SPTSSA: variants seen among roughly 807,000 people sequenced by gnomAD.
The protein encoded by SPTSSA is serine palmitoyltransferase small subunit A.
In SPTSSA, 8 loss-of-function variants were observed where a neutral mutation model predicts 9.1. The ratio of observed to expected loss-of-function variants is 0.88; its 90% confidence interval spans 0.51 to 1.58. SPTSSA has a LOEUF of 1.58. Ranked by LOEUF, SPTSSA falls within the 40% of genes most tolerant of loss-of-function variation. The pLI, the probability that SPTSSA is intolerant of heterozygous loss-of-function variation, is 0.00. For synonymous variants in SPTSSA, 42 were observed against 37.7 expected (o/e 1.11, Z -0.41); for missense variants, 100 against 93.8 (o/e 1.07, Z -0.27).
chr14:34,450,611 A>AGC (rs1566425150), intron 1 of SPTSSA, among the ~76,000 whole-genome samples: 6 of 98,094 alleles, frequency 6.1e-5, no homozygotes, highest in Admixed American at 5.7e-4. Flanking sequence ...AGAGAACAAG[A>AGC]ATAGAATACA....
At chr14:34,445,304 A>C (rs1883402498) in intron 1 of SPTSSA, among the ~76,000 whole-genome samples, 2 of 151,996 alleles carry the variant, frequency 1.3e-5, no homozygotes, top group Non-Finnish European at 2.9e-5. Context: ...GGAGTTGGAG[A>C]CCAGCCTGGC....
At chr14:34,452,202 C>T (rs1023626312) in intron 1 of SPTSSA, among the ~76,000 whole-genome samples, 3 of 148,762 alleles carry the variant, frequency 2.0e-5, no homozygotes, top group Non-Finnish European at 4.4e-5. Context: ...GCCAAGATCG[C>T]GCCACTGCAC....
rs913805613 is a variant in SPTSSA, at chr14:34,438,972, C to A, written c.113-3668G>T. Among the ~76,000 whole-genome samples, 10 of 152,230 alleles carry A rather than the reference C, an allele frequency of 6.6e-5. No homozygotes were observed. The East Asian group carries it at 1.7e-3, about 26-fold the overall frequency. On this transcript the variant is annotated intron_variant, in intron 1 of 1. Transcript: ENST00000298130. ...CCGATCTAGCCCCAAATCTTAGGAT[C>A]CACAGAAGTAGATAGGGACTGAAGG...
At chr14:34,458,760 A>G (rs1452142328) in intron 1 of SPTSSA, among the ~76,000 whole-genome samples, 1 of 149,882 alleles carries the variant, frequency 6.7e-6, no homozygotes, top group African/African-American at 2.5e-5. Context: ...TTGACTTTCA[A>G]TTTACAACAG....
intron 1 of SPTSSA, among the ~76,000 whole-genome samples, chr14:34,448,439 A>T (rs972607731): frequency 6.6e-6 from 1 of 152,124 alleles, no homozygotes; most frequent in African/African-American, 2.4e-5. Flanking sequence ...AGGCAGGAAA[A>T]TAGGGTCTGG....
intron 1 of SPTSSA, among the ~76,000 whole-genome samples, chr14:34,450,903 G>A (rs978106268): frequency 1.3e-5 from 2 of 152,088 alleles, no homozygotes; most frequent in African/African-American, 4.8e-5. Context: ...GGGTTCCATG[G>A]ACATAAAAGC....
intron 1 of SPTSSA, among the ~76,000 whole-genome samples, chr14:34,443,117 A>C (rs1883349136): frequency 1.1e-5 from 1 of 91,080 alleles, no homozygotes; most frequent in African/African-American, 5.2e-5. Flanking sequence ...GGTTCAAGCG[A>C]TTCTCCTGCT....
chr14:34,453,990 G>A (rs28521575), intron 1 of SPTSSA, among the ~76,000 whole-genome samples: 29,740 of 151,808 alleles, frequency 0.2, 3,203 homozygotes, highest in Middle Eastern at 0.29. Context: ...GACCAACCTA[G>A]GCAACCTAGT....
At chr14:34,438,126 G>A (rs531805925) in intron 1 of SPTSSA, among the ~76,000 whole-genome samples, 7 of 152,224 alleles carry the variant, frequency 4.6e-5, no homozygotes, top group African/African-American at 1.7e-4. Flanking sequence ...TACTCTTAAA[G>A]TAGCTTGCTC....
intron 1 of SPTSSA, among the ~76,000 whole-genome samples, chr14:34,458,436 G>A (rs1369339189): frequency 2.0e-5 from 3 of 151,924 alleles, no homozygotes; most frequent in Admixed American, 1.3e-4. Flanking sequence ...TGCCCACCGC[G>A]GCCTCCCAGA....
intron 1 of SPTSSA, among the ~76,000 whole-genome samples, chr14:34,453,046 C>A (rs372015976): frequency 6.6e-6 from 1 of 152,104 alleles, no homozygotes; most frequent in Admixed American, 6.6e-5. Flanking sequence ...CTCTAGCTTA[C>A]GTTACTATAA....
chr14:34,447,677 T>G (rs10129746), intron 1 of SPTSSA, among the ~76,000 whole-genome samples: 1,801 of 152,248 alleles, frequency 0.012, 34 homozygotes, highest in African/African-American at 0.041. Context: ...TTGGACTAAG[T>G]TCATGCACTG....
In SPTSSA at chr14:34,435,092, G is replaced by C. The variant is rs1883217322; in HGVS notation, c.*109C>G. ...ACTCATGAATTTTAGTCTTTATAAG[G>C]TTGGTTATGTTGACATCTAGAAGAG... On this transcript the variant is annotated 3_prime_UTR_variant, in exon 2 of 2. Coordinates refer to ENST00000298130, the MANE Select transcript of SPTSSA (RefSeq NM_138288.4). 4.4e-6 allele frequency: 3 copies of C among 687,056 alleles called. No homozygotes were observed. The highest frequency in any genetic ancestry group is 7.3e-6 in the Non-Finnish European group (3 of 410,056). The allele number at this position is 687,056 out of a possible 1,614,324, so 42.6% of individuals were successfully genotyped here.
chr14:34,451,708 ACT>A (rs1883529112), intron 1 of SPTSSA, among the ~76,000 whole-genome samples: 1 of 140,304 alleles, frequency 7.1e-6, no homozygotes. Context: ...ACAGAACGAG[ACT>A]CTGTTTCAAA....
intron 1 of SPTSSA, among the ~76,000 whole-genome samples, chr14:34,458,663 ATTTT>A (rs35426259): frequency 9.9e-4 from 89 of 89,636 alleles, no homozygotes; most frequent in African/African-American, 4.5e-3. Context: ...CACTCAGCTA[ATTTT>A]TTTTTTTTTT....
chr14:34,447,080 C>G (rs1019230327), intron 1 of SPTSSA, among the ~76,000 whole-genome samples: 1 of 151,654 alleles, frequency 6.6e-6, no homozygotes, highest in Non-Finnish European at 1.5e-5. Context: ...AAAAATTAGC[C>G]GGCCGTGGTG....
At chr14:34,436,158 CTATTATCACTATTAAACAT>C (rs1883238572) in intron 1 of SPTSSA, among the ~76,000 whole-genome samples, 1 of 152,180 alleles carries the variant, frequency 6.6e-6, no homozygotes, top group African/African-American at 2.4e-5. Context: ...ACTGCTACTG[CTATTATCACTATTAAACAT>C]TATTATCACT....
At position 34,455,393 on chromosome 14, in the gene SPTSSA, A is replaced by G. The variant is rs575550396; in HGVS notation, c.112+6703T>C. ...AAGAGCGAAACTGTCTCAAAAAAAG[A>G]AAAAAAAAAGGAGTATATTTTTTAT... On this transcript the variant is annotated intron_variant, in intron 1 of 1. Coordinates refer to ENST00000298130, the MANE Select transcript of SPTSSA (RefSeq NM_138288.4). 8.7e-5 allele frequency among the ~76,000 whole-genome samples: 13 copies of G among 149,316 alleles called. No individual in the cohort carries two copies. In the East Asian group the frequency reaches 2.6e-3, roughly 29 times the overall value.
intron 1 of SPTSSA, among the ~76,000 whole-genome samples, chr14:34,438,378 C>G (rs1675824597): frequency 6.6e-6 from 1 of 152,100 alleles, no homozygotes. Flanking sequence ...ACGGGCATTT[C>G]CTTTGACTGT....
Sources: allele counts gnomAD v4.1 joint callset (sites outside exome capture counted in the v4.1 genomes callset), GRCh38; gene constraint gnomAD v4.1.1; transcripts MANE v1.5; gene names NCBI Gene and HGNC (gene_info 2026-07-23, HGNC 2026-07-21).